Variants in ZSWIM5 observed in about 807,000 individuals in gnomAD.
The protein encoded by ZSWIM5 is zinc finger SWIM domain-containing protein 5.
Under a neutral mutation model 119.6 loss-of-function variants are expected in ZSWIM5, and 55 were observed. The observed-to-expected ratio is 0.46, with a 90% CI of 0.37 to 0.58. The LOEUF (loss-of-function observed/expected upper bound fraction) is 0.58, where lower values mean the gene tolerates loss of function less well. Ranked by LOEUF, ZSWIM5 falls within the 20% of genes least tolerant of loss-of-function variation. ZSWIM5 has a pLI of 0.00. For missense variants in ZSWIM5, 1,193 were observed against 1,512.8 expected (o/e 0.79, Z 3.51); for synonymous variants, 537 against 606.9 (o/e 0.88, Z 1.69).
intron 1 of ZSWIM5, among the ~76,000 whole-genome samples, chr1:45,146,970 G>C (rs1304396642): frequency 2.0e-5 from 3 of 151,966 alleles, no homozygotes; most frequent in Non-Finnish European, 4.4e-5. Context: ...ATACAGTTCT[G>C]TTATTATAAA....
chr1:45,099,277 A>G (rs1297456336), intron 1 of ZSWIM5, among the ~76,000 whole-genome samples: 4 of 152,182 alleles, frequency 2.6e-5, no homozygotes, highest in Non-Finnish European at 5.9e-5. Flanking sequence ...ACACCTCTAC[A>G]AAAATAAACT....
intron 10 of ZSWIM5, among the ~76,000 whole-genome samples, 196 bp from the exon 11 acceptor site, chr1:45,034,665 A>G (rs1644972361): frequency 6.6e-6 from 1 of 152,242 alleles, no homozygotes; most frequent in Non-Finnish European, 1.5e-5. Context: ...TCAACGCTGA[A>G]TAGTTTCCAC....
chr1:45,147,800 C>T (rs915000660), intron 1 of ZSWIM5, among the ~76,000 whole-genome samples: 6 of 152,018 alleles, frequency 3.9e-5, no homozygotes, highest in Non-Finnish European at 5.9e-5. Flanking sequence ...CTCAAGCATG[C>T]AAATGTAATT....
rs186994008 is a variant in ZSWIM5, at chr1:45,199,109, T to G, written c.595+6647A>C. 2.8e-4 allele frequency among the ~76,000 whole-genome samples: 43 copies of G among 152,294 alleles called. No homozygotes were observed. In the East Asian group the frequency reaches 7.1e-3, roughly 25 times the overall value. On this transcript the variant is annotated intron_variant, in intron 1 of 13. Transcript: ENST00000359600. ...TGAGAGTTCCAGTTACTCCATATAC[T>G]TGTCAGCATTTGGTACAGTCTTTTT... is the stretch of plus-strand genomic sequence containing the variant.
Position 45,099,712 on chromosome 1 carries a change from G to A in ZSWIM5, c.596-11475C>T, listed in dbSNP as rs563604488. ...AAGCTTATCTACCATGATCAAGTCGGCTTCATCCCTGGGATGCAAGGCTGG... is the reference window on the plus strand; with the variant it reads ...AAGCTTATCTACCATGATCAAGTCGACTTCATCCCTGGGATGCAAGGCTGG... On this transcript the variant is annotated intron_variant, in intron 1 of 13. Transcript: ENST00000359600. 5.9e-5 allele frequency among the ~76,000 whole-genome samples: 9 copies of A among 152,256 alleles called. No homozygotes were observed. The East Asian group carries it at 1.2e-3, about 20-fold the overall frequency.
chr1:45,187,680 T>C (rs1646067511), intron 1 of ZSWIM5, among the ~76,000 whole-genome samples: 1 of 151,998 alleles, frequency 6.6e-6, no homozygotes. Context: ...AATGGGAAAA[T>C]ATATTTGCAA....
chr1:45,081,455 C>T (rs958191134), intron 2 of ZSWIM5, among the ~76,000 whole-genome samples: 13 of 152,320 alleles, frequency 8.5e-5, no homozygotes, highest in African/African-American at 2.2e-4. Flanking sequence ...CAATTGCAGG[C>T]GCGCGCCGCC....
Position 45,088,551 on chromosome 1 carries a change from A to G in ZSWIM5, c.596-314T>C, listed in dbSNP as rs920638217. Among the ~76,000 whole-genome samples, 1 of 152,172 alleles carries G rather than the reference A, an allele frequency of 6.6e-6. No individual in the cohort carries two copies. The highest frequency in any genetic ancestry group is 1.5e-5 in the Non-Finnish European group (1 of 68,026). On this transcript the variant is annotated intron_variant, in intron 1 of 13. Transcript: ENST00000359600. The surrounding 1 kb of genome is among the most constrained non-coding windows in gnomAD (Gnocchi z 4.2). ...TTCATAGCTATCATCATAGTCTCAG[A>G]AAGACTAATAAGGAATCCTAAATAA... is the stretch of plus-strand genomic sequence containing the variant.
chr1:45,108,242 C>T (rs1336599761), intron 1 of ZSWIM5, among the ~76,000 whole-genome samples: 1 of 152,106 alleles, frequency 6.6e-6, no homozygotes, highest in Admixed American at 6.6e-5. Context: ...CTAATGTCTA[C>T]CACCTGACTT....
intron 1 of ZSWIM5, among the ~76,000 whole-genome samples, chr1:45,140,673 T>C (rs992304428): frequency 5.3e-5 from 8 of 152,186 alleles, no homozygotes; most frequent in African/African-American, 1.9e-4. Context: ...ATACACTGCC[T>C]ACAACAAACC....
chr1:45,153,615 T>C (rs941775403), intron 1 of ZSWIM5, among the ~76,000 whole-genome samples: 6 of 152,024 alleles, frequency 3.9e-5, no homozygotes, highest in Non-Finnish European at 7.4e-5. Flanking sequence ...CATGCACTCA[T>C]ATGTTTACTG....
intron 1 of ZSWIM5, among the ~76,000 whole-genome samples, chr1:45,167,412 G>A (rs1164538556): frequency 6.6e-6 from 1 of 151,720 alleles, no homozygotes; most frequent in African/African-American, 2.4e-5. Context: ...CATAGGCATG[G>A]GCAAGGACTT....
intron 1 of ZSWIM5, among the ~76,000 whole-genome samples, chr1:45,158,999 A>G (rs1037191053): frequency 1.3e-5 from 2 of 152,210 alleles, no homozygotes; most frequent in Non-Finnish European, 2.9e-5. Flanking sequence ...GTTATCTCCT[A>G]TAGCCTAGTG....
Position 45,020,113 on chromosome 1 carries a change from C to T in ZSWIM5, c.2648G>A (p.Arg883Lys), listed in dbSNP as rs1644877764. ...MRMTLSTLNW[R>K]RREMVRWLVT... ...CAACCATCGTACCATCTCCCTGCGTCTCCAGTTAAGGGTTGATAAGGTCAT... is the reference window on the plus strand; with the variant it reads ...CAACCATCGTACCATCTCCCTGCGTTTCCAGTTAAGGGTTGATAAGGTCAT... The change falls in exon 13 of 14, where the codon AGA (arginine) becomes AAA (lysine). Residue 883 changes from arginine to lysine, a missense_variant. Arg to Lys is a conservative substitution (Grantham distance 26, BLOSUM62 2). This residue lies in a region of ZSWIM5 where 961 missense variants were observed against 1,290.0 expected (regional missense o/e 0.74). Coordinates refer to ENST00000359600, the MANE Select transcript of ZSWIM5 (RefSeq NM_020883.2). 2.5e-6 allele frequency: 4 copies of T among 1,614,160 alleles called. No homozygotes were observed. In the East Asian group the frequency reaches 8.9e-5, roughly 36 times the overall value.
intron 1 of ZSWIM5, among the ~76,000 whole-genome samples, chr1:45,126,636 C>T (rs1645623520): frequency 6.6e-6 from 1 of 152,114 alleles, no homozygotes; most frequent in Non-Finnish European, 1.5e-5. Context: ...GGCACAGTGG[C>T]TCACACCTGT....
At chr1:45,047,196 A>T (rs1469144410) in intron 5 of ZSWIM5, among the ~76,000 whole-genome samples, 1 of 152,128 alleles carries the variant, frequency 6.6e-6, no homozygotes, top group African/African-American at 2.4e-5. Context: ...TTTCAAGGAG[A>T]GTGTGACTAA....
At chr1:45,071,175 C>T (rs1346045174) in intron 2 of ZSWIM5, among the ~76,000 whole-genome samples, 3 of 152,084 alleles carry the variant, frequency 2.0e-5, no homozygotes, top group Non-Finnish European at 4.4e-5. Context: ...TACTTATTGA[C>T]TATAATCGTC....
chr1:45,132,220 GA>G (rs1472273465), intron 1 of ZSWIM5, among the ~76,000 whole-genome samples: 7 of 151,726 alleles, frequency 4.6e-5, no homozygotes, highest in South Asian at 2.1e-4. Flanking sequence ...CAAAAAATAA[GA>G]AAAAAACATG....
chr1:45,085,538 T>G (rs1645322256), intron 2 of ZSWIM5, among the ~76,000 whole-genome samples: 2 of 150,006 alleles, frequency 1.3e-5, no homozygotes, highest in Non-Finnish European at 3.0e-5. Context: ...GTTTTTTTTT[T>G]TTTTTTTTTG....
Sources: gnomAD v4.1 joint callset for allele counts (sites outside exome capture counted in the v4.1 genomes callset) on GRCh38, gnomAD v4.1.1 for gene constraint, gnomAD v4.1.1 regional missense constraint, Gnocchi (gnomAD v3.1) non-coding constraint, MANE v1.5 for transcripts, NCBI Gene and HGNC (gene_info 2026-07-23, HGNC 2026-07-21) for gene names.